The following RBFOX1 variants were observed in gnomAD, a reference collection of about 807,000 sequenced individuals.
RBFOX1 encodes the protein RNA binding protein fox-1 homolog 1.
In RBFOX1, 8 loss-of-function variants were observed where a neutral mutation model predicts 57.7. The ratio of observed to expected loss-of-function variants is 0.14; its 90% CI spans 0.08 to 0.25. RBFOX1 has a LOEUF of 0.25. RBFOX1 is among the 10% of genes least tolerant of loss of function. The probability of loss-of-function intolerance (pLI) is 1.00; values close to 1 mark genes in which losing one functional copy is unlikely to be tolerated. For synonymous variants in RBFOX1, 326 were observed against 222.4 expected, an observed-to-expected ratio of 1.47 and a Z score of -4.15; for missense variants, 611 against 548.5, an observed-to-expected ratio of 1.11 and a Z score of -1.14.
In RBFOX1 at chr16:6,006,005, G is replaced by C. The variant is rs919802216; in HGVS notation, c.351+138670G>C. On this transcript the variant is annotated intron_variant, in intron 4 of 19. Coordinates refer to the RBFOX1 transcript ENST00000641259. ...GAAGGCAGGCTTGGGCCAATTCATG[G>C]AGAGTCTTGTATGGTAAGCAAAGAT... 1.7e-4 allele frequency among the ~76,000 whole-genome samples: 26 copies of C among 152,222 alleles called. 1 individual carries two copies. Among genetic ancestry groups the C allele is most frequent in the Admixed American group, 1.0e-3 (16 of 15,282 alleles).
chr16:5,276,309 C>A (rs9939320), intron 1 of RBFOX1, among the ~76,000 whole-genome samples: 26,295 of 152,072 alleles, frequency 0.17, 2,494 homozygotes, highest in Middle Eastern at 0.24. Flanking sequence ...TGTCCAGAAT[C>A]TACAGGGAAC....
At chr16:6,693,904 G>C (rs1220824648) in intron 3 of RBFOX1, among the ~76,000 whole-genome samples, 1 of 152,200 alleles carries the variant, frequency 6.6e-6, no homozygotes, top group African/African-American at 2.4e-5. Flanking sequence ...TCCTTTATGA[G>C]AATCATCTAA....
chr16:6,404,903 C>G (rs1031399603), intron 2 of RBFOX1, among the ~76,000 whole-genome samples: 1 of 152,206 alleles, frequency 6.6e-6, no homozygotes, highest in Non-Finnish European at 1.5e-5. Context: ...AGAAGCCTGG[C>G]TATCCTAGCT....
chr16:5,646,174 C>A (rs1249135547), intron 3 of RBFOX1, among the ~76,000 whole-genome samples: 1 of 144,130 alleles, frequency 6.9e-6, no homozygotes, highest in South Asian at 2.4e-4. Flanking sequence ...GGATTACAGG[C>A]ACGTGCTATT....
At chr16:5,838,202 C>A in intron 3 of RBFOX1, 1 of 181,960 alleles carries the variant, frequency 5.5e-6, no homozygotes. Context: ...CTCACATTAC[C>A]ACACATTACG....
At chr16:6,988,739 TTTTGTTTGTTTGTTTTTTG>T (rs1247682972) in intron 3 of RBFOX1, among the ~76,000 whole-genome samples, 47 of 71,714 alleles carry the variant, frequency 6.6e-4, no homozygotes, top group African/African-American at 2.7e-3. Context: ...TAATTTTTTT[TTTTGTTTGTTTGTTTTTTG>T]TTTTTTGTTT....
At chr16:6,951,195 A>G (rs879268895) in intron 3 of RBFOX1, among the ~76,000 whole-genome samples, 4 of 152,114 alleles carry the variant, frequency 2.6e-5, no homozygotes, top group East Asian at 1.9e-4. Flanking sequence ...GTGTGAGCCA[A>G]CAGGCCCTGC....
intron 1 of RBFOX1, among the ~76,000 whole-genome samples, chr16:5,388,618 C>G (rs1000463004): frequency 3.3e-5 from 5 of 151,916 alleles, no homozygotes; most frequent in Non-Finnish European, 7.4e-5. Context: ...GCTCTGTCAC[C>G]CAGGCTAGAG....
chr16:6,587,600 A>T (rs990831598), intron 2 of RBFOX1, among the ~76,000 whole-genome samples: 2 of 152,138 alleles, frequency 1.3e-5, no homozygotes, highest in African/African-American at 4.8e-5. Context: ...GGCTTCCTTT[A>T]AGGCATCTTA....
intron 4 of RBFOX1, among the ~76,000 whole-genome samples, chr16:7,255,430 T>A (rs566448158): frequency 1.3e-5 from 2 of 152,366 alleles, no homozygotes; most frequent in South Asian, 2.1e-4. Context: ...CATTTTGTTA[T>A]ATCCACATAA....
rs538255503 is a variant in RBFOX1 at position 5,431,449 on chromosome 16, A to T, written c.220-35767A>T. ...GAGTGCAGTGGCATGATCTCGGCTC[A>T]CTACAACCTCCGCCTCCTGGGTTCA... On this transcript the variant is annotated intron_variant, in intron 1 of 2. Coordinates refer to the RBFOX1 transcript ENST00000585867. Among the ~76,000 whole-genome samples the T allele has an allele frequency of 2.0e-3, 309 of 152,126 alleles. 2 individuals are homozygous for T. The highest frequency in any genetic ancestry group is 7.3e-3 in the African/African-American group (302 of 41,468).
chr16:6,708,440 T>C (rs903434912), intron 3 of RBFOX1, among the ~76,000 whole-genome samples: 4 of 152,338 alleles, frequency 2.6e-5, no homozygotes, highest in South Asian at 4.1e-4. Flanking sequence ...CCTGTCATTT[T>C]TGTGAAAAGT....
At position 6,263,058 on chromosome 16, in the gene RBFOX1, G is replaced by A. The variant is rs1302939924; in HGVS notation, c.-126-53937G>A. Among the ~76,000 whole-genome samples the A allele has an allele frequency of 7.2e-5, 11 of 152,288 alleles. No individual in the cohort carries two copies. The South Asian group carries it at 1.5e-3, about 20-fold the overall frequency. On this transcript the variant is annotated intron_variant, in intron 1 of 15. Transcript: ENST00000550418. ...CACTCAAAGAACCAGGGAGAGAGCT[G>A]TAATGTGCCCAAGACTGAAATGGGG...
chr16:7,021,994 CT>C (rs2039338512), intron 3 of RBFOX1, among the ~76,000 whole-genome samples: 1 of 26,916 alleles, frequency 3.7e-5, no homozygotes, highest in Non-Finnish European at 6.8e-5. Context: ...CCCCTTCCCC[CT>C]CCCCCTCTCC....
chr16:6,748,250 A>T (rs2074186751), intron 3 of RBFOX1, among the ~76,000 whole-genome samples: 1 of 152,068 alleles, frequency 6.6e-6, no homozygotes, highest in Admixed American at 6.6e-5. Flanking sequence ...ATACAGACCC[A>T]GCCTTCTTTT....
At chr16:5,844,883 A>T (rs919027139) in intron 3 of RBFOX1, among the ~76,000 whole-genome samples, 2 of 152,124 alleles carry the variant, frequency 1.3e-5, no homozygotes, top group African/African-American at 4.8e-5. Context: ...CCAAAAAGAA[A>T]CAGCTCTGTT....
intron 4 of RBFOX1, among the ~76,000 whole-genome samples, chr16:5,876,366 A>G (rs570557481): frequency 6.6e-6 from 1 of 152,290 alleles, no homozygotes; most frequent in East Asian, 1.9e-4. Flanking sequence ...GAGGCTTAAC[A>G]TGGTTAGTTA....
chr16:7,710,459 G>T, intron 15 of RBFOX1, 164 bp from the exon 16 acceptor site: 1 of 1,475,942 alleles, frequency 6.8e-7, no homozygotes, highest in East Asian at 2.5e-5. Context: ...GGAAGGTCAG[G>T]AATGGCCCTA....
Position 7,367,370 on chromosome 16 carries a change from T to A in RBFOX1, c.28-150777T>A, listed in dbSNP as rs79786965. ...CTGCACAGAATCAGGTGTAAATCTG[T>A]CATTTTGGCTAGTCTTCCTCTGGTC... On this transcript the variant is annotated intron_variant, in intron 4 of 15. Transcript: ENST00000550418. Among the ~76,000 whole-genome samples, 1,119 of 152,308 alleles carry A rather than the reference T, an allele frequency of 7.3e-3. 84 individuals are homozygous for A. The East Asian group carries it at 0.15, about 20-fold the overall frequency.
Sources: gnomAD v4.1 joint callset for allele counts (sites outside exome capture counted in the v4.1 genomes callset) on GRCh38, gnomAD v4.1.1 for gene constraint, MANE v1.5 for transcripts, NCBI Gene and HGNC (gene_info 2026-07-23, HGNC 2026-07-21) for gene names.